Variants in BTC observed in about 807,000 individuals in gnomAD.
BTC encodes probetacellulin.
Under a neutral mutation model 18.1 loss-of-function variants are expected in BTC, and 13 were observed. That is an observed-to-expected ratio of 0.72 (90% confidence interval 0.47 to 1.14). The LOEUF is 1.14. Among genes scored for constraint, BTC ranks in the 50% most tolerant of loss-of-function variants. BTC has a pLI of 0.00. For synonymous variants in BTC, 83 were observed against 79.4 expected (o/e 1.05, Z -0.24); for missense variants, 247 against 224.2 (o/e 1.10, Z -0.65).
chr4:74,769,069 ACTTGCTCAGTGTGTTC>A (rs924779615), intron 2 of BTC, among the ~76,000 whole-genome samples: 1 of 152,178 alleles, frequency 6.6e-6, no homozygotes, highest in African/African-American at 2.4e-5. Context: ...CATCAGGAAG[ACTTGCTCAGTGTGTTC>A]CTGGCTCTGT....
chr4:74,760,502 G>C (rs1724723900), intron 2 of BTC, among the ~76,000 whole-genome samples: 1 of 152,108 alleles, frequency 6.6e-6, no homozygotes, highest in Admixed American at 6.5e-5. Context: ...TTTTTATCTT[G>C]CCAGCTATCT....
At chr4:74,772,692 C>T (rs1725074658) in intron 1 of BTC, among the ~76,000 whole-genome samples, 1 of 151,638 alleles carries the variant, frequency 6.6e-6, no homozygotes, top group African/African-American at 2.4e-5. Context: ...AGAGATTCCG[C>T]ATCTGCAACC....
chr4:74,747,551 T>C (rs1383388707), intron 5 of BTC, among the ~76,000 whole-genome samples: 7 of 152,156 alleles, frequency 4.6e-5, no homozygotes, highest in Non-Finnish European at 1.0e-4. Context: ...GGAGACTCAG[T>C]ATACCTTTTC....
intron 1 of BTC, among the ~76,000 whole-genome samples, chr4:74,776,052 A>G (rs956788987): frequency 5.9e-5 from 9 of 152,186 alleles, no homozygotes; most frequent in African/African-American, 2.2e-4. Flanking sequence ...TTTGCCTATC[A>G]CATTAATACT....
chr4:74,769,589 A>G (rs1338065690), intron 2 of BTC, among the ~76,000 whole-genome samples: 1 of 152,194 alleles, frequency 6.6e-6, no homozygotes, highest in Non-Finnish European at 1.5e-5. Flanking sequence ...TAATTCAAGC[A>G]TCTCCAAGGT....
At chr4:74,762,173 C>T (rs1184966524) in intron 2 of BTC, among the ~76,000 whole-genome samples, 5 of 152,284 alleles carry the variant, frequency 3.3e-5, no homozygotes, top group Non-Finnish European at 7.4e-5. Context: ...ATTTTGCCTT[C>T]AGGAAATAAT....
In BTC at chr4:74,774,124, T is replaced by C. The variant is rs1346455268; in HGVS notation, c.65-3968A>G. On this transcript the variant is annotated intron_variant, in intron 1 of 5. Transcript: ENST00000395743. ...AAAAGTGTAAGCAAGATAACAATCA[T>C]AATGTGTTAATTGTTTCAGCAGTGG... Among the ~76,000 whole-genome samples the C allele has an allele frequency of 5.9e-5, 9 of 152,210 alleles. 1 individual carries two copies. The highest frequency in any genetic ancestry group is 5.9e-4 in the Admixed American group (9 of 15,280).
At chr4:74,793,873 C>T (rs1475738782) in intron 1 of BTC, among the ~76,000 whole-genome samples, 2 of 152,110 alleles carry the variant, frequency 1.3e-5, no homozygotes, top group African/African-American at 4.8e-5. Flanking sequence ...TTTCCCTGCT[C>T]GCCCCTGCCC....
In BTC at chr4:74,746,274, G is replaced by C. The variant is rs1381303241; in HGVS notation, c.*403C>G. 6.6e-6 allele frequency: 1 copy of C among 152,136 alleles called. No homozygotes were observed. The highest frequency in any genetic ancestry group is 1.5e-5 in the Non-Finnish European group (1 of 68,024). 9.4% of individuals were successfully genotyped at this position (152,136 alleles called of 1,614,324 possible). ...TAGCTATCTCATGGATTGCTGAAAG[G>C]AATAAAGGAAATAATATATTTCAAA... On this transcript the variant is annotated 3_prime_UTR_variant, in exon 6 of 6. Coordinates refer to ENST00000395743, the MANE Select transcript of BTC (RefSeq NM_001729.4).
intron 1 of BTC, among the ~76,000 whole-genome samples, chr4:74,782,556 G>A (rs1405297958): frequency 6.6e-6 from 1 of 152,092 alleles, no homozygotes; most frequent in Non-Finnish European, 1.5e-5. Context: ...ACCGCGCACT[G>A]AACATATGCA....
chr4:74,791,988 C>CAT (rs1725644114), intron 1 of BTC, among the ~76,000 whole-genome samples: 6 of 146,896 alleles, frequency 4.1e-5, no homozygotes, highest in African/African-American at 1.3e-4. Context: ...CACACACACA[C>CAT]ACACACACAC....
chr4:74,757,593 T>C (rs1027461064), intron 2 of BTC, among the ~76,000 whole-genome samples: 1 of 152,194 alleles, frequency 6.6e-6, no homozygotes, highest in African/African-American at 2.4e-5. Context: ...AGCTCTATAA[T>C]AGGCACTAGA....
chr4:74,765,667 T>C (rs1724881995), intron 2 of BTC, among the ~76,000 whole-genome samples: 1 of 151,926 alleles, frequency 6.6e-6, no homozygotes, highest in South Asian at 2.1e-4. Context: ...CCCAAAGAAA[T>C]CTACACCAAG....
chr4:74,752,460 C>CGCA, intron 3 of BTC, among the ~76,000 whole-genome samples: 1 of 147,550 alleles, frequency 6.8e-6, no homozygotes, highest in Admixed American at 6.9e-5. Flanking sequence ...TTCACTGCAA[C>CGCA]CTCCGTCTCC....
chr4:74,758,351 T>G (rs1360060350), intron 2 of BTC, among the ~76,000 whole-genome samples: 1 of 152,150 alleles, frequency 6.6e-6, no homozygotes, highest in African/African-American at 2.4e-5. Flanking sequence ...CTTTAAACTG[T>G]GGACCATTTT....
In BTC at chr4:74,744,819, GTTAT is replaced by G. The variant is rs1553955126; in HGVS notation, c.*1854_*1857del. On this transcript the variant is annotated 3_prime_UTR_variant, in exon 6 of 6. Transcript: ENST00000395743. ...AATATTGACAGTTTACATAAACAAA[GTTAT>G]TTAGTGTATGCAAAGCAACTATAAA... The G allele has an allele frequency of 3.9e-5, 6 of 152,082 alleles. No individual in the cohort carries two copies. Among genetic ancestry groups the G allele is most frequent in the Non-Finnish European group, 7.4e-5 (5 of 68,006 alleles). 9.4% of individuals were successfully genotyped at this position (152,082 alleles called of 1,614,324 possible).
intron 4 of BTC, among the ~76,000 whole-genome samples, chr4:74,749,683 T>TTTGTG (rs1292977156): frequency 6.7e-4 from 83 of 124,744 alleles, no homozygotes; most frequent in African/African-American, 2.4e-3. Flanking sequence ...AAGATAGTTT[T>TTTGTG]TTTTGTTGTT....
chr4:74,753,582 CA>C (rs1358064648), intron 3 of BTC, among the ~76,000 whole-genome samples: 1 of 152,138 alleles, frequency 6.6e-6, no homozygotes, highest in Non-Finnish European at 1.5e-5. Flanking sequence ...TATGTAAAAA[CA>C]AGAACCCACA....
intron 2 of BTC, among the ~76,000 whole-genome samples, chr4:74,760,532 T>TCCC (rs1201681263): frequency 1.3e-5 from 2 of 152,332 alleles, no homozygotes; most frequent in African/African-American, 4.8e-5. Context: ...GAAATGTAAA[T>TCCC]TCACAGTGTC....
Sources: gnomAD v4.1 joint callset for allele counts (sites outside exome capture counted in the v4.1 genomes callset) on GRCh38, gnomAD v4.1.1 for gene constraint, MANE v1.5 for transcripts, NCBI Gene and HGNC (gene_info 2026-07-23, HGNC 2026-07-21) for gene names.